NUP98: variants seen among roughly 807,000 people sequenced by gnomAD.
NUP98 encodes nuclear pore complex protein Nup98-Nup96.
Under a neutral mutation model 191.9 loss-of-function variants are expected in NUP98, and 26 were observed. The observed-to-expected ratio is 0.14, with a 90% CI of 0.10 to 0.19. The LOEUF (loss-of-function observed/expected upper bound fraction) is 0.19, where lower values mean the gene tolerates loss of function less well. Among genes scored for constraint, NUP98 ranks in the 10% least tolerant of loss-of-function variants. The probability of loss-of-function intolerance (pLI) is 1.00; values close to 1 mark genes in which losing one functional copy is unlikely to be tolerated. For synonymous variants in NUP98, 808 were observed against 778.4 expected (o/e 1.04, Z -0.63); for missense variants, 1,941 against 2,178.8 (o/e 0.89, Z 2.17).
At chr11:3,755,994 T>C (rs1420907654) in intron 10 of NUP98, among the ~76,000 whole-genome samples, 1 of 152,066 alleles carries the variant, frequency 6.6e-6, no homozygotes, top group African/African-American at 2.4e-5. Flanking sequence ...TAAAATCCAA[T>C]CAAGTAACCT....
chr11:3,688,820 C>CATATAT (rs71041372), intron 28 of NUP98, among the ~76,000 whole-genome samples: 11,850 of 136,038 alleles, frequency 0.087, 623 homozygotes, highest in Non-Finnish European at 0.13. Flanking sequence ...TTTAAATATA[C>CATATAT]ATATATATAT....
rs758883265 is a variant in NUP98 at position 3,753,272 on chromosome 11, T to C, written c.1267+44A>G. 28 of 1,451,112 alleles carry C rather than the reference T, an allele frequency of 1.9e-5. 1 individual carries two copies. In the Admixed American group the frequency reaches 4.7e-4, roughly 24 times the overall value. 89.9% of individuals were successfully genotyped at this position (1,451,112 alleles called of 1,614,324 possible). On this transcript the variant is annotated intron_variant, in intron 11 of 32. Transcript: ENST00000324932. Reference sequence around the variant, plus strand: ...CTCTCAAGTTCCAGAAACTAGAAAGTCAAGCTGTGTCACTTCCTAGATCTC... The same window carrying C: ...CTCTCAAGTTCCAGAAACTAGAAAGCCAAGCTGTGTCACTTCCTAGATCTC...
At chr11:3,722,363 A>C (rs1589807538) in intron 16 of NUP98, among the ~76,000 whole-genome samples, 1 of 151,690 alleles carries the variant, frequency 6.6e-6, no homozygotes, top group African/African-American at 2.4e-5. Flanking sequence ...CGATCCTCCC[A>C]CCTAAGCCTG....
intron 11 of NUP98, among the ~76,000 whole-genome samples, chr11:3,747,222 T>C (rs1043735394): frequency 6.6e-6 from 1 of 152,186 alleles, no homozygotes; most frequent in African/African-American, 2.4e-5. Flanking sequence ...ATGGTAATAG[T>C]GGCCTTAGAA....
chr11:3,729,768 G>T (rs71480405), intron 14 of NUP98, among the ~76,000 whole-genome samples: 1 of 129,894 alleles, frequency 7.7e-6, no homozygotes, highest in Admixed American at 8.2e-5. Flanking sequence ...CAACACCACA[G>T]AAGTGAGGCC....
In NUP98 at chr11:3,698,526, G is replaced by C. The variant is rs193068573; in HGVS notation, c.4009+556C>G. ...GTGGATCACCTGAGGTCAGGAGTTC[G>C]AGACCAGCCTGACCAACATGGTGAA... On this transcript the variant is annotated intron_variant, in intron 25 of 32. Transcript: ENST00000324932. Among the ~76,000 whole-genome samples the C allele has an allele frequency of 2.0e-3, 302 of 151,634 alleles. 2 individuals are homozygous for C. Among genetic ancestry groups the C allele is most frequent in the Non-Finnish European group, 2.9e-3 (197 of 67,892 alleles).
chr11:3,787,137 C>T lies in NUP98; in HGVS notation c.-28-4992G>A, dbSNP rs17190886. Among the ~76,000 whole-genome samples, 4 of 151,944 alleles carry T rather than the reference C, an allele frequency of 2.6e-5. No homozygotes were observed. The South Asian group carries it at 6.2e-4, about 24-fold the overall frequency. ...TAGATAAGAAAAGAGGGCTGGGAAA[C>T]GAGGCTGGGTGGAATTCCAGGAAGA... On this transcript the variant is annotated intron_variant, in intron 1 of 32. Transcript: ENST00000324932.
chr11:3,693,227 T>A lies in NUP98; in HGVS notation c.4311+5A>T, dbSNP rs2078376639. ...TTTTTGCTTGGCTCTATTGGCCACA[T>A]ATACCTGAAATGCTTCTTCATACAT... is the stretch of plus-strand genomic sequence containing the variant. On this transcript the variant is annotated splice_donor_5th_base_variant and intron_variant, in intron 27 of 32. Transcript: ENST00000324932. 2.5e-6 allele frequency: 4 copies of A among 1,613,986 alleles called. No homozygotes were observed. Among genetic ancestry groups the A allele is most frequent in the Non-Finnish European group, 3.4e-6 (4 of 1,179,866 alleles).
chr11:3,791,482 T>C (rs4910799), intron 1 of NUP98, among the ~76,000 whole-genome samples: 12,609 of 134,804 alleles, frequency 0.094, 691 homozygotes, highest in African/African-American at 0.16. Flanking sequence ...TGCAGTGAGT[T>C]GAGATCCCAC....
At chr11:3,760,112 C>CAAAAAAAAAAAAAAAAA in intron 10 of NUP98, 1 of 120,986 alleles carries the variant, frequency 8.3e-6, no homozygotes. Context: ...TGTTCTCCAC[C>CAAAAAAAAAAAAAAAAA]AAAAAAAAAA....
intron 2 of NUP98, 26 bp from the exon 3 acceptor site, chr11:3,779,283 T>A (rs367863032): frequency 1.3e-6 from 2 of 1,491,760 alleles, no homozygotes; most frequent in Non-Finnish European, 1.9e-6. Flanking sequence ...CCAGAGTAAA[T>A]TAGAATTTAG....
chr11:3,714,068 A>G (rs1328721906), intron 18 of NUP98, 73 bp from the exon 19 acceptor site: 1 of 1,384,358 alleles, frequency 7.2e-7, no homozygotes, highest in Non-Finnish European at 1.0e-6. Context: ...AAAGCCACCT[A>G]ACACATAAAT....
chr11:3,677,293 A>G (rs2077844572), intron 31 of NUP98, among the ~76,000 whole-genome samples: 1 of 151,398 alleles, frequency 6.6e-6, no homozygotes, highest in Non-Finnish European at 1.5e-5. Context: ...TTCCAGGCAA[A>G]GAGAAGACAG....
At chr11:3,772,185 C>T (rs1244695906) in intron 6 of NUP98, among the ~76,000 whole-genome samples, 1 of 152,072 alleles carries the variant, frequency 6.6e-6, no homozygotes, top group Non-Finnish European at 1.5e-5. Context: ...ACAAACAATA[C>T]ACTCTTTTGG....
chr11:3,678,103 C>T (rs904015586), intron 31 of NUP98, among the ~76,000 whole-genome samples: 3 of 150,376 alleles, frequency 2.0e-5, no homozygotes, highest in African/African-American at 7.4e-5. Context: ...GTGCCACTGC[C>T]CTCCAGCCTG....
chr11:3,791,278 A>T (rs1290225940), intron 1 of NUP98, among the ~76,000 whole-genome samples: 1 of 151,884 alleles, frequency 6.6e-6, no homozygotes, highest in East Asian at 2.0e-4. Flanking sequence ...CACACCTGTA[A>T]TCCTAGCAGT....
In NUP98 at chr11:3,675,091, T is replaced by C. The variant is rs1418506848; in HGVS notation, c.*1068A>G. 5.6e-6 allele frequency: 1 copy of C among 180,152 alleles called. No individual in the cohort carries two copies. Among genetic ancestry groups the C allele is most frequent in the African/African-American group, 2.4e-5 (1 of 42,336 alleles). 11.2% of individuals were successfully genotyped at this position (180,152 alleles called of 1,614,324 possible). On this transcript the variant is annotated 3_prime_UTR_variant, in exon 33 of 33. Coordinates refer to ENST00000324932, the MANE Select transcript of NUP98 (RefSeq NM_016320.5). ...GAGGAAAATATCTAGATCATTTATTTATACATATATATATTTTTTAATAAA... is the reference window on the plus strand; with the variant it reads ...GAGGAAAATATCTAGATCATTTATTCATACATATATATATTTTTTAATAAA...
At chr11:3,713,110 A>G (rs1413036306) in intron 19 of NUP98, among the ~76,000 whole-genome samples, 1 of 152,212 alleles carries the variant, frequency 6.6e-6, no homozygotes, top group Non-Finnish European at 1.5e-5. Flanking sequence ...ATGGGAGGAA[A>G]TCATTGGATT....
intron 31 of NUP98, 185 bp from the exon 32 acceptor site, chr11:3,676,805 C>G: frequency 1.4e-6 from 1 of 719,330 alleles, no homozygotes; most frequent in East Asian, 2.6e-5. Flanking sequence ...CAGTAATAGC[C>G]AAGAGGAAGG....
Sources: allele counts gnomAD v4.1 joint callset (sites outside exome capture counted in the v4.1 genomes callset), GRCh38; gene constraint gnomAD v4.1.1; transcripts MANE v1.5; gene names NCBI Gene and HGNC (gene_info 2026-07-23, HGNC 2026-07-21).